CHST15: variants seen among roughly 807,000 people sequenced by gnomAD.
CHST15 encodes B cell RAG associated protein (GALNAC4S-6ST).
Under a neutral mutation model 53.6 loss-of-function variants are expected in CHST15, and 30 were observed. The ratio of observed to expected loss-of-function variants is 0.56; its 90% CI spans 0.42 to 0.76. The LOEUF is 0.76. Among genes scored for constraint, CHST15 ranks in the 30% least tolerant of loss-of-function variants. The probability of loss-of-function intolerance (pLI) is 0.00; values close to 1 mark genes in which losing one functional copy is unlikely to be tolerated. For synonymous variants in CHST15, 296 were observed against 289.8 expected (o/e 1.02, Z -0.22); for missense variants, 627 against 740.5 (o/e 0.85, Z 1.78).
In CHST15 at chr10:124,046,245, C is replaced by T. The variant is rs759024465; in HGVS notation, c.-33G>A. On this transcript the variant is annotated 5_prime_UTR_variant, in exon 2 of 8. Transcript: ENST00000435907. Reference sequence around the variant, plus strand: ...CCAGTGCCCTGGGCTGCTGGCTTACCGAGCCATGGGTGGGCCCCCCACGAG... The same window carrying T: ...CCAGTGCCCTGGGCTGCTGGCTTACTGAGCCATGGGTGGGCCCCCCACGAG... 47 of 1,542,710 alleles carry T rather than the reference C, an allele frequency of 3.0e-5. No homozygotes were observed. The Middle Eastern group carries it at 6.8e-4, about 22-fold the overall frequency.
At chr10:124,041,199 T>G (rs1425899870) in intron 4 of CHST15, among the ~76,000 whole-genome samples, 4 of 152,240 alleles carry the variant, frequency 2.6e-5, no homozygotes, top group African/African-American at 9.6e-5. Context: ...AGTCTTAAGT[T>G]AAAAAGTCAT....
chr10:124,012,904 A>G (rs924490771), intron 6 of CHST15, among the ~76,000 whole-genome samples: 9 of 152,196 alleles, frequency 5.9e-5, no homozygotes, highest in African/African-American at 2.2e-4. Flanking sequence ...GACAACCTAC[A>G]TGAGTGAAGA....
intron 6 of CHST15, 172 bp downstream of exon 6, chr10:124,021,084 A>G: frequency 2.0e-6 from 3 of 1,471,610 alleles, no homozygotes; most frequent in Non-Finnish European, 2.7e-6. Flanking sequence ...AGAGCCCATC[A>G]GTTTTCAGCT....
chr10:124,075,393 T>C (rs1249796305), intron 1 of CHST15, among the ~76,000 whole-genome samples: 1 of 152,136 alleles, frequency 6.6e-6, no homozygotes, highest in Non-Finnish European at 1.5e-5. Flanking sequence ...TTTCTTTCTT[T>C]CTTCAAGTGT....
intron 1 of CHST15, among the ~76,000 whole-genome samples, chr10:124,068,275 C>T (rs1948809412): frequency 6.6e-6 from 1 of 152,108 alleles, no homozygotes; most frequent in Non-Finnish European, 1.5e-5. Context: ...CATCCTGGCT[C>T]CACGGCCTGA....
At chr10:124,035,651 T>C (rs542766708) in intron 5 of CHST15, among the ~76,000 whole-genome samples, 1 of 151,822 alleles carries the variant, frequency 6.6e-6, no homozygotes, top group South Asian at 2.1e-4. Context: ...AACAGGGACC[T>C]TGGCTCCACC....
chr10:124,022,878 G>A (rs541483785), intron 5 of CHST15, among the ~76,000 whole-genome samples: 6 of 145,682 alleles, frequency 4.1e-5, no homozygotes, highest in South Asian at 2.2e-4. Flanking sequence ...GTACAGTGGC[G>A]TGATCTCAGC....
intron 4 of CHST15, 23 bp downstream of exon 4, chr10:124,042,278 C>T (rs767251715): frequency 3.1e-6 from 5 of 1,597,574 alleles, no homozygotes; most frequent in African/African-American, 1.3e-5. Context: ...GCTAGCCCTG[C>T]CAGAGTGACA....
In CHST15 at chr10:124,010,143, C is replaced by G. The variant is rs1564844850; in HGVS notation, c.*6G>C. 6.2e-7 allele frequency: 1 copy of G among 1,612,400 alleles called. No individual in the cohort carries two copies. On this transcript the variant is annotated 3_prime_UTR_variant, in exon 8 of 8. Transcript: ENST00000435907. ...GGGCCCAGCACGTGCAGCAACAATT[C>G]AGCTCTCACGTCGTCTTCCACGCAA...
chr10:124,084,908 G>C (rs1371254101), intron 1 of CHST15, among the ~76,000 whole-genome samples: 1 of 152,052 alleles, frequency 6.6e-6, no homozygotes, highest in African/African-American at 2.4e-5. Flanking sequence ...CCACCCCACC[G>C]CCCTGAGCCG....
intron 5 of CHST15, among the ~76,000 whole-genome samples, chr10:124,027,195 C>T (rs1947047455): frequency 6.6e-6 from 1 of 152,166 alleles, no homozygotes; most frequent in Admixed American, 6.5e-5. Flanking sequence ...TCACACTGGG[C>T]CCGTGCTCAT....
chr10:124,011,676 G>A, intron 7 of CHST15: 3 of 985,418 alleles, frequency 3.0e-6, no homozygotes, highest in Non-Finnish European at 3.6e-6. Context: ...TCAGCAGTGT[G>A]GCCTGTCACC....
intron 1 of CHST15, among the ~76,000 whole-genome samples, chr10:124,070,738 C>T (rs1199799444): frequency 6.6e-6 from 1 of 152,088 alleles, no homozygotes; most frequent in Non-Finnish European, 1.5e-5. Flanking sequence ...TGGGATGCAG[C>T]AGTAAACAAA....
chr10:124,028,509 C>T (rs939879329), intron 5 of CHST15, among the ~76,000 whole-genome samples: 2 of 152,144 alleles, frequency 1.3e-5, no homozygotes, highest in Non-Finnish European at 2.9e-5. Flanking sequence ...GTGAACAATT[C>T]GCCAGTTTTT....
At chr10:124,077,632 A>G (rs1246653697) in intron 1 of CHST15, among the ~76,000 whole-genome samples, 1 of 152,212 alleles carries the variant, frequency 6.6e-6, no homozygotes, top group African/African-American at 2.4e-5. Flanking sequence ...CTCATCCCCA[A>G]GCCTGTGCAG....
At chr10:124,016,488 G>A (rs1371407690) in intron 6 of CHST15, among the ~76,000 whole-genome samples, 1 of 152,106 alleles carries the variant, frequency 6.6e-6, no homozygotes, top group Non-Finnish European at 1.5e-5. Context: ...CTGCCCCTGG[G>A]GATCTCCTCT....
intron 1 of CHST15, among the ~76,000 whole-genome samples, chr10:124,089,534 C>G (rs1028038142): frequency 6.6e-6 from 1 of 152,104 alleles, no homozygotes; most frequent in African/African-American, 2.4e-5. Context: ...AGCTGGAGAT[C>G]AGAGACCCCC....
rs1259623366 is a variant in CHST15, at chr10:124,008,217, T to C, written c.*1932A>G. ...ATGGTTGGTGTGGAATAGTAAAATATGTACTGAAAATGACAAGTTAATTGG... is the reference window on the plus strand; with the variant it reads ...ATGGTTGGTGTGGAATAGTAAAATACGTACTGAAAATGACAAGTTAATTGG... On this transcript the variant is annotated 3_prime_UTR_variant, in exon 8 of 8. Coordinates refer to ENST00000435907, the MANE Select transcript of CHST15 (RefSeq NM_001270764.2). 10 of 1,225,226 alleles carry C rather than the reference T, an allele frequency of 8.2e-6. No homozygotes were observed. The highest frequency in any genetic ancestry group is 9.1e-6 in the Non-Finnish European group (9 of 984,228). The allele number at this position is 1,225,226 out of a possible 1,614,324, so 75.9% of individuals were successfully genotyped here.
Position 124,074,282 on chromosome 10 carries a change from C to T in CHST15, c.-513+19187G>A, listed in dbSNP as rs1325602541. Among the ~76,000 whole-genome samples the T allele has an allele frequency of 6.6e-6, 1 of 152,184 alleles. No homozygotes were observed. The highest frequency in any genetic ancestry group is 2.4e-5 in the African/African-American group (1 of 41,450). ...TAGACAGTTTCTACTTGGCAAGTTG[C>T]TTCAAGAATTTCTCAAATCTCTCAG... On this transcript the variant is annotated intron_variant, in intron 1 of 7. Transcript: ENST00000435907. This position sits in a 1 kb window ranked among gnomAD's most constrained non-coding sequence, Gnocchi z 4.4.
Sources: allele counts gnomAD v4.1 joint callset (sites outside exome capture counted in the v4.1 genomes callset), GRCh38; gene constraint gnomAD v4.1.1; non-coding constraint Gnocchi (gnomAD v3.1); transcripts MANE v1.5; gene names NCBI Gene and HGNC (gene_info 2026-07-23, HGNC 2026-07-21).